The following PRKAR2B variants were observed in gnomAD, a reference collection of about 807,000 sequenced individuals.
PRKAR2B encodes protein kinase cAMP-dependent type II regulatory subunit beta.
In PRKAR2B, 14 loss-of-function variants were observed where a neutral mutation model predicts 49.9. That is an observed-to-expected ratio of 0.28 (90% CI 0.19 to 0.44). PRKAR2B has a LOEUF of 0.44. Among genes scored for constraint, PRKAR2B ranks in the 20% least tolerant of loss-of-function variants. The pLI is 1.00. For missense variants in PRKAR2B, 393 were observed against 537.9 expected (o/e 0.73, Z 2.67); for synonymous variants, 196 against 197.7 (o/e 0.99, Z 0.07).
intron 2 of PRKAR2B, among the ~76,000 whole-genome samples, chr7:107,101,135 ATTTTTTTTTTT>A (rs950761298): frequency 3.2e-5 from 3 of 94,690 alleles, no homozygotes; most frequent in Admixed American, 2.4e-4. Context: ...GTTGTTGCTT[ATTTTTTTTTTT>A]TTTTTTTTTT....
chr7:107,072,834 T>C (rs1794307594), intron 2 of PRKAR2B, among the ~76,000 whole-genome samples: 1 of 152,220 alleles, frequency 6.6e-6, no homozygotes, highest in Non-Finnish European at 1.5e-5. Context: ...TTTTCAGAGA[T>C]ACTTTTTCTT....
chr7:107,078,573 T>C (rs1794453389), intron 2 of PRKAR2B, among the ~76,000 whole-genome samples: 1 of 152,244 alleles, frequency 6.6e-6, no homozygotes, highest in Non-Finnish European at 1.5e-5. Flanking sequence ...GGTTCTTCCC[T>C]GTGATTCATT....
At chr7:107,068,313 A>G (rs1007468893) in intron 1 of PRKAR2B, among the ~76,000 whole-genome samples, 1 of 152,070 alleles carries the variant, frequency 6.6e-6, no homozygotes, top group Non-Finnish European at 1.5e-5. Context: ...TTTTTGCCCC[A>G]AGGCTGAGAG....
At chr7:107,120,988 AT>A (rs1172286998) in intron 2 of PRKAR2B, among the ~76,000 whole-genome samples, 7 of 150,708 alleles carry the variant, frequency 4.6e-5, no homozygotes, top group Non-Finnish European at 8.9e-5. Context: ...ATAATTTAAA[AT>A]TTTTTTAAAT....
At chr7:107,080,300 G>GAGA (rs1794491391) in intron 2 of PRKAR2B, among the ~76,000 whole-genome samples, 1 of 152,168 alleles carries the variant, frequency 6.6e-6, no homozygotes, top group South Asian at 2.1e-4. Flanking sequence ...AGTGTTCTTG[G>GAGA]AGAAGAATCA....
intron 1 of PRKAR2B, among the ~76,000 whole-genome samples, chr7:107,063,913 C>A (rs540222191): frequency 6.6e-6 from 1 of 152,300 alleles, no homozygotes; most frequent in South Asian, 2.1e-4. Flanking sequence ...TTTACTCTTA[C>A]AAGCAGAACA....
At chr7:107,051,307 A>G (rs1201550817) in intron 1 of PRKAR2B, among the ~76,000 whole-genome samples, 1 of 152,220 alleles carries the variant, frequency 6.6e-6, no homozygotes, top group African/African-American at 2.4e-5. Flanking sequence ...TTCTTTTTCA[A>G]TGAAGTGAAA....
chr7:107,145,210 C>A (rs910019342), intron 5 of PRKAR2B, among the ~76,000 whole-genome samples: 2 of 152,160 alleles, frequency 1.3e-5, no homozygotes, highest in Non-Finnish European at 2.9e-5. Flanking sequence ...GTTGTAACTA[C>A]TCAACTCTGC....
intron 1 of PRKAR2B, among the ~76,000 whole-genome samples, chr7:107,069,072 T>A (rs1794211202): frequency 6.6e-6 from 1 of 152,068 alleles, no homozygotes; most frequent in Non-Finnish European, 1.5e-5. Context: ...GTAGCTGGGA[T>A]TAGAGGCACC....
At chr7:107,059,000 T>C (rs1004468744) in intron 1 of PRKAR2B, among the ~76,000 whole-genome samples, 6 of 152,164 alleles carry the variant, frequency 3.9e-5, no homozygotes, top group African/African-American at 1.2e-4. Flanking sequence ...TTATTTTTTT[T>C]CCTGGCCACG....
At chr7:107,045,307 C>CCCACCTCTCCCCGCATTCT in intron 1 of PRKAR2B, 93 bp downstream of exon 1, 1 of 1,067,146 alleles carries the variant, frequency 9.4e-7, no homozygotes, top group East Asian at 2.8e-5. Flanking sequence ...GCTTTGCGCA[C>CCCACCTCTCCCCGCATTCT]CCACCTCTCC....
intron 1 of PRKAR2B, among the ~76,000 whole-genome samples, chr7:107,046,535 CT>C (rs1306764598): frequency 6.6e-6 from 1 of 152,200 alleles, no homozygotes; most frequent in African/African-American, 2.4e-5. Context: ...AAGCTTGTTA[CT>C]TACAATTTTA....
intron 2 of PRKAR2B, among the ~76,000 whole-genome samples, chr7:107,075,322 C>T (rs1226978525): frequency 6.6e-6 from 1 of 151,678 alleles, no homozygotes; most frequent in African/African-American, 2.4e-5. Flanking sequence ...AGGATGGTCT[C>T]AATCTCCTGA....
intron 2 of PRKAR2B, among the ~76,000 whole-genome samples, chr7:107,074,859 A>G (rs1381707607): frequency 6.6e-6 from 1 of 152,072 alleles, no homozygotes; most frequent in Non-Finnish European, 1.5e-5. Context: ...AGCTCAGTAA[A>G]TATTTTAAGA....
intron 2 of PRKAR2B, among the ~76,000 whole-genome samples, chr7:107,085,283 GA>G (rs1794597589): frequency 6.6e-6 from 1 of 152,066 alleles, no homozygotes; most frequent in Non-Finnish European, 1.5e-5. Flanking sequence ...GTTTTAATTT[GA>G]AATCATCTCC....
At chr7:107,075,401 A>T (rs911957279) in intron 2 of PRKAR2B, among the ~76,000 whole-genome samples, 43 of 137,976 alleles carry the variant, frequency 3.1e-4, no homozygotes, top group Non-Finnish European at 3.3e-4. Context: ...ACACCTGGCA[A>T]TTTTTTTTTT....
At chr7:107,111,919 C>T (rs1463513730) in intron 2 of PRKAR2B, among the ~76,000 whole-genome samples, 1 of 143,152 alleles carries the variant, frequency 7.0e-6, no homozygotes, top group Non-Finnish European at 1.5e-5. Context: ...GTAATCGTAG[C>T]ATGTTTGGAG....
intron 1 of PRKAR2B, 37 bp downstream of exon 1, chr7:107,045,251 C>T (rs1793666890): frequency 2.2e-6 from 3 of 1,385,854 alleles, no homozygotes; most frequent in Non-Finnish European, 2.8e-6. Flanking sequence ...CCCCCGGATC[C>T]CCTCGCTGCC....
At chr7:107,078,214 A>AAAG (rs1554364718) in intron 2 of PRKAR2B, 7 of 151,492 alleles carry the variant, frequency 4.6e-5, no homozygotes, top group African/African-American at 1.7e-4. Context: ...AAAAAAAAAA[A>AAAG]AAAGAAAAAA....
Sources: gnomAD v4.1 joint callset for allele counts (sites outside exome capture counted in the v4.1 genomes callset) on GRCh38, gnomAD v4.1.1 for gene constraint, MANE v1.5 for transcripts, NCBI Gene and HGNC (gene_info 2026-07-23, HGNC 2026-07-21) for gene names.